BOD1L1: variants seen among roughly 807,000 people sequenced by gnomAD.
BOD1L1 encodes the protein biorientation of chromosomes in cell division 1 like 1.
BOD1L1 carries 86 observed loss-of-function variants against 240.7 expected under a neutral mutation model. That is an observed-to-expected ratio of 0.36 (90% CI 0.30 to 0.43). The LOEUF is 0.43. Ranked by LOEUF, BOD1L1 falls within the 20% of genes least tolerant of loss-of-function variation. The pLI is 1.00. For missense variants in BOD1L1, 3,554 were observed against 3,643.5 expected (o/e 0.98, Z 0.63); for synonymous variants, 1,268 against 1,272.3 (o/e 1.00, Z 0.07).
chr4:13,615,532 G>GA (rs1299301208), intron 2 of BOD1L1, 30 bp from the exon 3 acceptor site: 1 of 1,538,222 alleles, frequency 6.5e-7, no homozygotes, highest in Non-Finnish European at 8.8e-7. Context: ...ATGGAAAGGT[G>GA]AAAAAATAAT....
intron 19 of BOD1L1, among the ~76,000 whole-genome samples, chr4:13,581,910 T>C (rs1455587178): frequency 1.3e-5 from 2 of 152,208 alleles, no homozygotes; most frequent in African/African-American, 4.8e-5. Context: ...GCCTCCTGTT[T>C]GCTGCCATGT....
intron 17 of BOD1L1, among the ~76,000 whole-genome samples, chr4:13,583,585 G>C (rs1196549270): frequency 1.3e-5 from 2 of 152,194 alleles, no homozygotes; most frequent in African/African-American, 4.8e-5. Context: ...TACTGAAACA[G>C]TGGAATTTCT....
intron 14 of BOD1L1, among the ~76,000 whole-genome samples, 156 bp downstream of exon 14, chr4:13,590,230 T>C (rs1020995653): frequency 6.6e-6 from 1 of 152,262 alleles, no homozygotes; most frequent in Non-Finnish European, 1.5e-5. Flanking sequence ...TCCTCAACTA[T>C]ACTCCTGATG....
Position 13,602,786 on chromosome 4 carries a change from C to G in BOD1L1, c.4114G>C (p.Ala1372Pro), listed in dbSNP as rs753497969. ...CCTTGTTTACCATCCAATAAAGTAG[C>G]CTGGTGAGCTTCTGGAATGTGTCTT... ...SKRHIPEAHQATLLDGKQGKV... is the reference protein window; with the variant it reads ...SKRHIPEAHQPTLLDGKQGKV... Residue 1372 changes from alanine to proline, a missense_variant, in exon 10 of 26, where the codon GCT (alanine) becomes CCT (proline). This residue lies in a region of BOD1L1 where 3,393 missense variants were observed against 3,427.1 expected (regional missense o/e 0.99). Coordinates refer to ENST00000040738, the MANE Select transcript of BOD1L1 (RefSeq NM_148894.3). 1.1e-5 allele frequency: 17 copies of G among 1,613,874 alleles called. No homozygotes were observed. The highest frequency in any genetic ancestry group is 1.4e-5 in the Non-Finnish European group (17 of 1,179,890).
At position 13,613,653 on chromosome 4, in the gene BOD1L1, A is replaced by C; in HGVS notation, c.1183T>G (p.Leu395Val). 7 of 1,539,234 alleles carry C rather than the reference A, an allele frequency of 4.5e-6. No homozygotes were observed. The highest frequency in any genetic ancestry group is 6.2e-6 in the Non-Finnish European group (7 of 1,136,374). ...TVEGTKEDFSLIDSDVDGLTD... is the reference protein window; with the variant it reads ...TVEGTKEDFSVIDSDVDGLTD... ...AGTCCATCCACATCAGAATCTATCA[A>C]AGAGAAATCTTCAAGCGGAAAATAA... The change falls in exon 5 of 26, where the codon TTG becomes GTG. Residue 395 changes from leucine to valine, a missense_variant. Physicochemically the swap from Leu to Val is conservative, Grantham distance 32. Transcript: ENST00000040738. This position sits in a 1 kb window ranked among gnomAD's most constrained non-coding sequence, Gnocchi z 4.0.
rs1244826226 is a variant in BOD1L1, at chr4:13,601,405, C to T, written c.5495G>A (p.Ser1832Asn). 3 of 1,614,056 alleles carry T rather than the reference C, an allele frequency of 1.9e-6. No homozygotes were observed. The highest frequency in any genetic ancestry group is 2.5e-6 in the Non-Finnish European group (3 of 1,179,908). Residue 1832 changes from serine (S) to asparagine (N), a missense_variant, in exon 10 of 26, where the codon AGC becomes AAC. This residue lies in a region of BOD1L1 where 3,393 missense variants were observed against 3,427.1 expected (regional missense o/e 0.99). Transcript: ENST00000040738. ...ATTAGTGCCTTCTTTGGCCACTGTGCTGTCCATTGCACTCTCTCCATTTTC... is the reference window on the plus strand; with the variant it reads ...ATTAGTGCCTTCTTTGGCCACTGTGTTGTCCATTGCACTCTCTCCATTTTC... ...SEENGESAMD[S>N]TVAKEGTNVP...
chr4:13,608,060 A>G (rs1715853139), intron 8 of BOD1L1, among the ~76,000 whole-genome samples: 1 of 152,164 alleles, frequency 6.6e-6, no homozygotes, highest in Admixed American at 6.5e-5. Flanking sequence ...AAAGTTAACG[A>G]TGATAATGCA....
chr4:13,596,137 C>T (rs756240417), intron 11 of BOD1L1, among the ~76,000 whole-genome samples, 193 bp from the exon 12 acceptor site: 6 of 152,080 alleles, frequency 3.9e-5, no homozygotes, highest in Admixed American at 1.3e-4. Flanking sequence ...AATTTAATCT[C>T]GTATTTCATC....
chr4:13,600,644 T>C lies in BOD1L1; in HGVS notation c.6256A>G (p.Ser2086Gly). ...STTNDYTPQV[S>G]AITDVEGGLS... ...CCTCCTTCCACATCTGTAATTGCGC[T>C]TACCTGAGGGGTGTAATCATTTGTG... The change falls in exon 10 of 26, where the codon AGC (serine) becomes GGC (glycine). Residue 2086 changes from serine to glycine, a missense_variant. Transcript: ENST00000040738. 6.2e-7 allele frequency: 1 copy of C among 1,612,600 alleles called. No individual in the cohort carries two copies. The highest frequency in any genetic ancestry group is 1.1e-5 in the South Asian group (1 of 91,036).
chr4:13,622,937 C>G (rs1165106686), intron 1 of BOD1L1, among the ~76,000 whole-genome samples: 1 of 152,160 alleles, frequency 6.6e-6, no homozygotes, highest in South Asian at 2.1e-4. Context: ...GAAGGCATAC[C>G]TACCTCACCT....
At position 13,602,161 on chromosome 4, in the gene BOD1L1, G is replaced by A; in HGVS notation, c.4739C>T (p.Ala1580Val). ...RNNPLHVGAE[A>V]SECTVFAAAE... ...TGCAGCAAAAACAGTGCATTCACTG[G>A]CTTCTGCACCAACATGAAGAGGATT... The change falls in exon 10 of 26, where the codon GCC (alanine) becomes GTC (valine). Residue 1580 changes from alanine (A) to valine (V), a missense_variant. Transcript: ENST00000040738. The A allele has an allele frequency of 6.2e-7, 1 of 1,613,910 alleles. No homozygotes were observed. The highest frequency in any genetic ancestry group is 1.3e-5 in the African/African-American group (1 of 75,042).
intron 21 of BOD1L1, 41 bp downstream of exon 21, chr4:13,580,979 A>C (rs1713178881): frequency 6.5e-7 from 1 of 1,538,390 alleles, no homozygotes; most frequent in Non-Finnish European, 8.8e-7. Flanking sequence ...TTTCAGGTTA[A>C]GAGCAAGTAT....
Position 13,609,390 on chromosome 4 carries a change from T to A in BOD1L1, c.1508A>T (p.Glu503Val). ...ATTGATTTGCCTTCTTAAAAGCCTC[T>A]CTTCTTTTTCTTTGGCCTAAAACCA... Reference protein sequence around the residue: ...RRQSIAKEKEERLLRRQINRE... With the variant: ...RRQSIAKEKEVRLLRRQINRE... Residue 503 changes from glutamate (E) to valine (V), a missense_variant, in exon 7 of 26, where the codon GAG becomes GTG. Physicochemically the swap from Glu to Val is moderately radical, Grantham distance 121. Around this residue, in one of 2 missense-constraint regions of BOD1L1, gnomAD observed 3,393 missense variants for 3,427.1 expected, o/e 0.99. Transcript: ENST00000040738. 1 of 1,525,028 alleles carries A rather than the reference T, an allele frequency of 6.6e-7. No homozygotes were observed. Among genetic ancestry groups the A allele is most frequent in the South Asian group, 1.3e-5 (1 of 75,058 alleles). 94.5% of individuals were successfully genotyped at this position (1,525,028 alleles called of 1,614,324 possible).
chr4:13,588,795 G>A lies in BOD1L1; in HGVS notation c.8210-3C>T, dbSNP rs1274528211. 1.9e-6 allele frequency: 3 copies of A among 1,578,676 alleles called. No homozygotes were observed. Among genetic ancestry groups the A allele is most frequent in the Non-Finnish European group, 2.6e-6 (3 of 1,162,978 alleles). On this transcript the variant is annotated splice_region_variant and splice_polypyrimidine_tract_variant and intron_variant, in intron 14 of 25. Transcript: ENST00000040738. ...GTCTTTTCTACCACTGGATATCTCT[G>A]AGTAATAAATACAAAAAAGAAAAAA...
chr4:13,601,789 C>T lies in BOD1L1; in HGVS notation c.5111G>A (p.Ser1704Asn), dbSNP rs762208204. Reference sequence around the variant, plus strand: ...TCCCTGGGAGCCATCCACCTCTTCACTGCTTATAGATCCTGCTCTTATCTC... The same window carrying T: ...TCCCTGGGAGCCATCCACCTCTTCATTGCTTATAGATCCTGCTCTTATCTC... ...GTEIRAGSISSEEVDGSQGNM... is the reference protein window; with the variant it reads ...GTEIRAGSISNEEVDGSQGNM... Residue 1704 changes from serine to asparagine, a missense_variant, in exon 10 of 26, where the codon AGT becomes AAT. Physicochemically the swap from Ser to Asn is conservative, Grantham distance 46. Transcript: ENST00000040738. 5 of 1,613,876 alleles carry T rather than the reference C, an allele frequency of 3.1e-6. No individual in the cohort carries two copies. In the African/African-American group the frequency reaches 6.7e-5, roughly 22 times the overall value.
chr4:13,593,040 A>G (rs924049841), intron 12 of BOD1L1: 1 of 152,200 alleles, frequency 6.6e-6, no homozygotes, highest in Non-Finnish European at 1.5e-5. Context: ...AAAATCTGAA[A>G]TTCTCTGAGT....
chr4:13,615,359 T>C lies in BOD1L1; in HGVS notation c.512A>G (p.Asn171Ser), dbSNP rs745544691. 1.2e-6 allele frequency: 2 copies of C among 1,613,644 alleles called. No individual in the cohort carries two copies. The highest frequency in any genetic ancestry group is 1.1e-5 in the South Asian group (1 of 91,026). Residue 171 changes from asparagine (N) to serine (S), a missense_variant, in exon 3 of 26, where the codon AAC becomes AGC. Around this residue, in one of 2 missense-constraint regions of BOD1L1, gnomAD observed 3,393 missense variants for 3,427.1 expected, o/e 0.99. Coordinates refer to ENST00000040738, the MANE Select transcript of BOD1L1 (RefSeq NM_148894.3). ...TGGTTTCTCATCATCGGGAGCTGTG[T>C]TGCCACTTCCTTCCTCTTTGTGATT... ...TLNHKEEGSG[N>S]TAPDDEKPDT...
intron 17 of BOD1L1, among the ~76,000 whole-genome samples, chr4:13,583,978 A>C (rs538515377): frequency 2.0e-5 from 3 of 152,350 alleles, no homozygotes; most frequent in East Asian, 3.9e-4. Context: ...GTACTTTGAC[A>C]GTACTACATA....
chr4:13,574,913 GTTTTTTTTT>G (rs1712561933), intron 25 of BOD1L1, among the ~76,000 whole-genome samples: 3 of 38,204 alleles, frequency 7.9e-5, no homozygotes, highest in Non-Finnish European at 2.3e-4. Flanking sequence ...TTAAGTTTTT[GTTTTTTTTT>G]GTTTTTTTTT....
Sources: gnomAD v4.1 joint callset for allele counts (sites outside exome capture counted in the v4.1 genomes callset) on GRCh38, gnomAD v4.1.1 for gene constraint, gnomAD v4.1.1 regional missense constraint, Gnocchi (gnomAD v3.1) non-coding constraint, MANE v1.5 for transcripts, NCBI Gene and HGNC (gene_info 2026-07-23, HGNC 2026-07-21) for gene names.